Variants in MAP4K3 observed in about 807,000 individuals in gnomAD.
MAP4K3 encodes the protein MAPK/ERK kinase kinase kinase 3.
In MAP4K3, 94 loss-of-function variants were observed where a neutral mutation model predicts 143.5. That is an observed-to-expected ratio of 0.65 (90% CI 0.55 to 0.78). The LOEUF is 0.78. Among genes scored for constraint, MAP4K3 ranks in the 30% least tolerant of loss-of-function variants. The pLI, the probability that MAP4K3 is intolerant of heterozygous loss-of-function variation, is 0.00. For missense variants in MAP4K3, 1,077 were observed against 1,068.1 expected (o/e 1.01, Z -0.12); for synonymous variants, 416 against 347.2 (o/e 1.20, Z -2.20).
chr2:39,256,988 C>T (rs929219073), intron 31 of MAP4K3, among the ~76,000 whole-genome samples: 1 of 152,144 alleles, frequency 6.6e-6, no homozygotes, highest in Admixed American at 6.5e-5. Flanking sequence ...TCTTTGAAAG[C>T]GGATTCCATT....
chr2:39,410,809 T>C (rs1667213541), intron 1 of MAP4K3, among the ~76,000 whole-genome samples: 2 of 152,216 alleles, frequency 1.3e-5, no homozygotes, highest in African/African-American at 4.8e-5. Context: ...ATAGCCATTT[T>C]AGCTATACAA....
chr2:39,265,804 A>G (rs1432292161), intron 27 of MAP4K3, among the ~76,000 whole-genome samples: 1 of 152,172 alleles, frequency 6.6e-6, no homozygotes, highest in Non-Finnish European at 1.5e-5. Context: ...TCACTAGAAA[A>G]CATCACAGAT....
At chr2:39,422,360 C>A (rs778663684) in intron 1 of MAP4K3, among the ~76,000 whole-genome samples, 1 of 152,064 alleles carries the variant, frequency 6.6e-6, no homozygotes, top group Non-Finnish European at 1.5e-5. Context: ...ATATCTGACT[C>A]CAAATTACAA....
chr2:39,369,519 C>T (rs574996378), intron 2 of MAP4K3, among the ~76,000 whole-genome samples: 2 of 152,304 alleles, frequency 1.3e-5, no homozygotes, highest in African/African-American at 2.4e-5. Context: ...ACCATGCTCA[C>T]ATAGAGCATA....
chr2:39,350,080 G>C (rs571990304), intron 3 of MAP4K3, among the ~76,000 whole-genome samples: 15 of 152,296 alleles, frequency 9.8e-5, no homozygotes, highest in Admixed American at 9.2e-4. Flanking sequence ...ACAGAGGACA[G>C]GGGTACTAAT....
intron 1 of MAP4K3, among the ~76,000 whole-genome samples, chr2:39,414,226 T>C (rs1325706699): frequency 1.3e-5 from 2 of 152,178 alleles, no homozygotes; most frequent in Non-Finnish European, 2.9e-5. Flanking sequence ...GAGGCACCAA[T>C]CTTCTCTGAA....
chr2:39,306,889 TG>T (rs1330407446), intron 15 of MAP4K3, among the ~76,000 whole-genome samples: 1 of 152,208 alleles, frequency 6.6e-6, no homozygotes, highest in Non-Finnish European at 1.5e-5. Context: ...ACCTATTGTA[TG>T]TTAGCTTCCC....
rs1447938627 is a variant in MAP4K3, at chr2:39,402,570, A to G, written c.97-24447T>C. Among the ~76,000 whole-genome samples the G allele has an allele frequency of 3.9e-5, 6 of 152,190 alleles. No individual in the cohort carries two copies. In the East Asian group the frequency reaches 9.6e-4, roughly 24 times the overall value. On this transcript the variant is annotated intron_variant, in intron 1 of 33. Coordinates refer to ENST00000263881, the MANE Select transcript of MAP4K3 (RefSeq NM_003618.4). ...AAGGAAACAGGAAATCAGTGACTTC[A>G]GCTTCCTCCTTAAGAAACTAAAGTA...
intron 3 of MAP4K3, 119 bp from the exon 4 acceptor site, chr2:39,343,571 C>A (rs1665202180): frequency 7.3e-6 from 5 of 682,704 alleles, no homozygotes; most frequent in Admixed American, 2.7e-5. Flanking sequence ...AATGTGTTAT[C>A]TTTAAAATAA....
At chr2:39,336,642 C>T (rs1483347247) in intron 6 of MAP4K3, among the ~76,000 whole-genome samples, 1 of 152,014 alleles carries the variant, frequency 6.6e-6, no homozygotes, top group Non-Finnish European at 1.5e-5. Context: ...TATAAGCTTA[C>T]TCTGCATTTT....
chr2:39,303,111 C>T (rs75703290), intron 15 of MAP4K3: 4 of 166,982 alleles, frequency 2.4e-5, no homozygotes, highest in African/African-American at 9.7e-5. Context: ...AGAATTGATA[C>T]AGTTCACTAC....
At position 39,260,723 on chromosome 2, in the gene MAP4K3, G is replaced by C. The variant is rs1680535092; in HGVS notation, c.2191C>G (p.Pro731Ala). 6.2e-7 allele frequency: 1 copy of C among 1,613,680 alleles called. No homozygotes were observed. The highest frequency in any genetic ancestry group is 8.5e-7 in the Non-Finnish European group (1 of 1,179,656). Residue 731 changes from proline (P) to alanine (A), a missense_variant, in exon 29 of 34, where the codon CCT (proline) becomes GCT (alanine). Physicochemically the swap from Pro to Ala is conservative, Grantham distance 27. Transcript: ENST00000263881. ...PLRMFEMLVV[P>A]EQEYPLVCVG... ...CAAACTAAAGGGTACTCCTGTTCAG[G>C]AACTACCAGCATTTCAAACATTCTA...
intron 16 of MAP4K3, among the ~76,000 whole-genome samples, chr2:39,298,982 A>AAAAC (rs373128455): frequency 6.6e-6 from 1 of 150,800 alleles, no homozygotes; most frequent in Non-Finnish European, 1.5e-5. Flanking sequence ...AAAAAAAAAA[A>AAAAC]GGAATTTTAA....
chr2:39,258,691 T>C (rs1013973485), intron 29 of MAP4K3, 104 bp from the exon 30 acceptor site: 2 of 847,976 alleles, frequency 2.4e-6, no homozygotes, highest in Non-Finnish European at 4.0e-6. Flanking sequence ...TTGAAACGGA[T>C]ATGTCTTCTG....
At chr2:39,386,392 A>G (rs1444890926) in intron 1 of MAP4K3, among the ~76,000 whole-genome samples, 1 of 152,236 alleles carries the variant, frequency 6.6e-6, no homozygotes, top group Non-Finnish European at 1.5e-5. Context: ...TATACAGAGC[A>G]AAAGTTTTTA....
At position 39,288,817 on chromosome 2, in the gene MAP4K3, C is replaced by T. The variant is rs533502505; in HGVS notation, c.1315-537G>A. 2.1e-3 allele frequency among the ~76,000 whole-genome samples: 315 copies of T among 152,278 alleles called. 2 individuals carry two copies. The highest frequency in any genetic ancestry group is 0.02 in the Middle Eastern group (6 of 294). On this transcript the variant is annotated intron_variant, in intron 19 of 33. Coordinates refer to ENST00000263881, the MANE Select transcript of MAP4K3 (RefSeq NM_003618.4). Reference sequence around the variant, plus strand: ...CCTCTAATCCCAGCACTTTGGGAGGCTGAGGCGAGCGGATCACGAGGTCAG... The same window carrying T: ...CCTCTAATCCCAGCACTTTGGGAGGTTGAGGCGAGCGGATCACGAGGTCAG...
intron 18 of MAP4K3, among the ~76,000 whole-genome samples, chr2:39,291,247 T>C (rs908222206): frequency 7.2e-5 from 11 of 152,216 alleles, no homozygotes; most frequent in African/African-American, 2.7e-4. Context: ...CAGAAATTTG[T>C]ATTATAATTA....
chr2:39,390,381 T>C (rs536585237), intron 1 of MAP4K3, among the ~76,000 whole-genome samples: 43 of 152,346 alleles, frequency 2.8e-4, no homozygotes, highest in Admixed American at 2.3e-3. Context: ...AAACCACTTG[T>C]AGATCTGCTT....
chr2:39,429,248 A>G (rs1308457694), intron 1 of MAP4K3, among the ~76,000 whole-genome samples: 1 of 152,154 alleles, frequency 6.6e-6, no homozygotes, highest in African/African-American at 2.4e-5. Flanking sequence ...TTTCACTGCA[A>G]TATTAGTAGG....
Sources: allele counts gnomAD v4.1 joint callset (sites outside exome capture counted in the v4.1 genomes callset), GRCh38; gene constraint gnomAD v4.1.1; transcripts MANE v1.5; gene names NCBI Gene and HGNC (gene_info 2026-07-23, HGNC 2026-07-21).